DUSP16: variants seen among roughly 807,000 people sequenced by gnomAD.
The protein encoded by DUSP16 is dual specificity protein phosphatase 16.
DUSP16 carries 21 observed loss-of-function variants against 58.3 expected under a neutral mutation model. The observed-to-expected ratio is 0.36, with a 90% CI of 0.26 to 0.52. DUSP16 has a LOEUF of 0.52. Ranked by LOEUF, DUSP16 falls within the 20% of genes least tolerant of loss-of-function variation. DUSP16 has a pLI of 0.94. For missense variants in DUSP16, 726 were observed against 819.0 expected (o/e 0.89, Z 1.39); for synonymous variants, 320 against 323.8 (o/e 0.99, Z 0.12).
chr12:12,552,835 C>T (rs928003985), intron 1 of DUSP16, among the ~76,000 whole-genome samples: 2 of 152,114 alleles, frequency 1.3e-5, no homozygotes, highest in African/African-American at 4.8e-5. Context: ...GGCTGGAGTG[C>T]AATGGCAGGA....
intron 1 of DUSP16, among the ~76,000 whole-genome samples, chr12:12,534,600 T>G (rs1239300719): frequency 6.6e-6 from 1 of 152,244 alleles, no homozygotes; most frequent in African/African-American, 2.4e-5. Flanking sequence ...TCATCTTAAT[T>G]TCTCTCTTCA....
In DUSP16 at chr12:12,475,365, C is replaced by T. The variant is rs1033891789; in HGVS notation, c.*1468G>A. 1.3e-5 allele frequency: 2 copies of T among 152,202 alleles called. No homozygotes were observed. Among genetic ancestry groups the T allele is most frequent in the African/African-American group, 4.8e-5 (2 of 41,434 alleles). 9.4% of individuals were successfully genotyped at this position (152,202 alleles called of 1,614,324 possible). A position where few individuals can be genotyped will look rare whatever the true frequency, so the allele number is the denominator to read the frequency against. On this transcript the variant is annotated 3_prime_UTR_variant, in exon 7 of 7. Coordinates refer to ENST00000298573, the MANE Select transcript of DUSP16 (RefSeq NM_030640.3). The stretch of plus-strand genomic sequence containing the variant: ...ACTTGTTCCAGTGACCTCCTATGTT[C>T]AGCTGCCAGGACCGATTCCATACAG...
At chr12:12,554,131 A>C (rs1944773655) in intron 1 of DUSP16, among the ~76,000 whole-genome samples, 1 of 144,274 alleles carries the variant, frequency 6.9e-6, no homozygotes, top group Non-Finnish European at 1.5e-5. Flanking sequence ...CAGGAGGCAG[A>C]GATTGCAGTG....
intron 1 of DUSP16, among the ~76,000 whole-genome samples, chr12:12,542,388 G>GAAA (rs56822339): frequency 8.2e-5 from 9 of 109,678 alleles, no homozygotes; most frequent in Middle Eastern, 5.1e-3. Context: ...AAAGAAAAGA[G>GAAA]AAAAAAAAAA....
intron 3 of DUSP16, among the ~76,000 whole-genome samples, chr12:12,519,489 T>C (rs1316520838): frequency 6.6e-6 from 1 of 152,200 alleles, no homozygotes; most frequent in Non-Finnish European, 1.5e-5. Flanking sequence ...GGTCTGGTTC[T>C]TGCCACAGGG....
intron 1 of DUSP16, among the ~76,000 whole-genome samples, chr12:12,530,144 G>C (rs1944364240): frequency 6.6e-6 from 1 of 151,982 alleles, no homozygotes; most frequent in East Asian, 1.9e-4. Context: ...AGTGTATAAG[G>C]GTTTTCCTTT....
chr12:12,562,802 G>A lies in DUSP16; in HGVS notation c.-1051C>T, dbSNP rs1257105603. On this transcript the variant is annotated 5_prime_UTR_variant, in exon 1 of 7. Coordinates refer to ENST00000298573, the MANE Select transcript of DUSP16 (RefSeq NM_030640.3). ...GCCCGAGCCCGGAGCGCGGCTCCGC[G>A]CCTCGTTCCGGCCGCTCGGGGAGGG... 6.6e-6 allele frequency among the ~76,000 whole-genome samples: 1 copy of A among 151,584 alleles called. No individual in the cohort carries two copies. The highest frequency in any genetic ancestry group is 1.9e-4 in the East Asian group (1 of 5,160).
chr12:12,485,463 A>G (rs890625527), intron 5 of DUSP16: 10 of 152,242 alleles, frequency 6.6e-5, no homozygotes, highest in Non-Finnish European at 1.2e-4. Context: ...CATTAAATAG[A>G]ATATTCCCCT....
At chr12:12,509,181 A>G (rs1213108924) in intron 3 of DUSP16, among the ~76,000 whole-genome samples, 2 of 152,248 alleles carry the variant, frequency 1.3e-5, no homozygotes, top group Non-Finnish European at 2.9e-5. Context: ...GGCTGAACAG[A>G]ATTAACAAGC....
intron 3 of DUSP16, among the ~76,000 whole-genome samples, chr12:12,508,332 GA>G (rs559229109): frequency 3.4e-4 from 49 of 142,912 alleles, no homozygotes; most frequent in Non-Finnish European, 4.0e-4. Flanking sequence ...GAAAAGAAAA[GA>G]AAAAAAAAAG....
At chr12:12,492,136 C>A (rs1470273790) in intron 4 of DUSP16, among the ~76,000 whole-genome samples, 1 of 152,202 alleles carries the variant, frequency 6.6e-6, no homozygotes, top group Non-Finnish European at 1.5e-5. Context: ...GAGAAAAACA[C>A]TCCACAATGC....
Position 12,521,105 on chromosome 12 carries a change from A to T in DUSP16, c.-7T>A, listed in dbSNP as rs750622293. ...CAATCATCTCATGGGCCATGACAAC[A>T]ATAAGTCCTCTTTTCCCACCTCCTT... is the stretch of plus-strand genomic sequence containing the variant. On this transcript the variant is annotated 5_prime_UTR_variant, in exon 2 of 7. Coordinates refer to ENST00000298573, the MANE Select transcript of DUSP16 (RefSeq NM_030640.3). 6.2e-7 allele frequency: 1 copy of T among 1,613,518 alleles called. No homozygotes were observed. The highest frequency in any genetic ancestry group is 1.3e-5 in the African/African-American group (1 of 74,916).
rs117348896 is a variant in DUSP16, at chr12:12,473,679, A to G, written c.*3154T>C. ...TCAATATTCCATCTGTTTGCACTGA[A>G]GCTTTATTCCTTCAATGCCTAATTT... is the stretch of plus-strand genomic sequence containing the variant. On this transcript the variant is annotated 3_prime_UTR_variant, in exon 7 of 7. Transcript: ENST00000298573. 1.4e-4 allele frequency among the ~76,000 whole-genome samples: 22 copies of G among 152,302 alleles called. No homozygotes were observed. Among genetic ancestry groups the G allele is most frequent in the Non-Finnish European group, 3.1e-4 (21 of 68,024 alleles).
chr12:12,547,923 A>G (rs1944670949), intron 1 of DUSP16, among the ~76,000 whole-genome samples: 1 of 152,184 alleles, frequency 6.6e-6, no homozygotes, highest in Admixed American at 6.5e-5. Context: ...CACCTAGTCC[A>G]TCCCTCTGGT....
chr12:12,526,881 C>T (rs1944315441), intron 1 of DUSP16, among the ~76,000 whole-genome samples: 1 of 152,196 alleles, frequency 6.6e-6, no homozygotes. Flanking sequence ...GCTACTGCTG[C>T]CCTAAAACAC....
At chr12:12,481,274 C>T (rs2136190202) in intron 5 of DUSP16, among the ~76,000 whole-genome samples, 1 of 152,282 alleles carries the variant, frequency 6.6e-6, no homozygotes, top group Admixed American at 6.5e-5. Context: ...GCAGTGCTGC[C>T]ATCTCTCACT....
rs537031473 is a variant in DUSP16, at chr12:12,507,753, G to GC, written c.368-7072dup. Among the ~76,000 whole-genome samples the GC allele has an allele frequency of 3.2e-4, 48 of 152,314 alleles. No individual in the cohort carries two copies. The East Asian group carries it at 8.7e-3, about 28-fold the overall frequency. ...GCCTCCCGAGTAGCTGGGATCACAG[G>GC]CATGCGCCATCATGCCCGGCTAATT... On this transcript the variant is annotated intron_variant, in intron 3 of 6. Transcript: ENST00000298573.
At chr12:12,529,238 A>G (rs1157021916) in intron 1 of DUSP16, among the ~76,000 whole-genome samples, 1 of 152,098 alleles carries the variant, frequency 6.6e-6, no homozygotes, top group African/African-American at 2.4e-5. Context: ...CAGTCTCCCA[A>G]GTAACTGGGA....
At chr12:12,504,512 T>A (rs758581326) in intron 3 of DUSP16, among the ~76,000 whole-genome samples, 1 of 152,116 alleles carries the variant, frequency 6.6e-6, no homozygotes, top group Non-Finnish European at 1.5e-5. Context: ...TCTACCCACC[T>A]TGGCCTCCCA....
Sources: allele counts gnomAD v4.1 joint callset (sites outside exome capture counted in the v4.1 genomes callset), GRCh38; gene constraint gnomAD v4.1.1; transcripts MANE v1.5; gene names NCBI Gene and HGNC (gene_info 2026-07-23, HGNC 2026-07-21).